PTPN4: variants seen among roughly 807,000 people sequenced by gnomAD.
PTPN4 encodes tyrosine-protein phosphatase non-receptor type 4.
In PTPN4, 49 loss-of-function variants were observed where a neutral mutation model predicts 135.5. The ratio of observed to expected loss-of-function variants is 0.36; its 90% confidence interval spans 0.29 to 0.46. PTPN4 has a LOEUF of 0.46. Ranked by LOEUF, PTPN4 falls within the 20% of genes least tolerant of loss-of-function variation. The probability of loss-of-function intolerance (pLI) is 1.00; values close to 1 mark genes in which losing one functional copy is unlikely to be tolerated. For missense variants in PTPN4, 860 were observed against 1,101.0 expected, an observed-to-expected ratio of 0.78 and a Z score of 3.10; for synonymous variants, 333 against 369.9, an observed-to-expected ratio of 0.90 and a Z score of 1.14.
intron 1 of PTPN4, among the ~76,000 whole-genome samples, chr2:119,775,845 C>A (rs1339731115): frequency 7.0e-6 from 1 of 143,236 alleles, no homozygotes; most frequent in Non-Finnish European, 1.6e-5. Flanking sequence ...ATCTATATAT[C>A]TATCTATATA....
chr2:119,859,185 T>G (rs542825683), intron 2 of PTPN4, among the ~76,000 whole-genome samples: 3 of 152,360 alleles, frequency 2.0e-5, no homozygotes, highest in Non-Finnish European at 2.9e-5. Context: ...GAAACATTTT[T>G]TTCTGATGAC....
chr2:119,827,122 G>A (rs887447947), intron 2 of PTPN4, among the ~76,000 whole-genome samples: 1 of 152,142 alleles, frequency 6.6e-6, no homozygotes, highest in African/African-American at 2.4e-5. Flanking sequence ...GTCTGTAGCC[G>A]TACCCCTATA....
At chr2:119,780,806 G>T (rs1035496880) in intron 1 of PTPN4, among the ~76,000 whole-genome samples, 1 of 152,036 alleles carries the variant, frequency 6.6e-6, no homozygotes, top group Non-Finnish European at 1.5e-5. Flanking sequence ...GTAATTTATG[G>T]GGTGATACTT....
chr2:119,829,873 A>G (rs1677195382), intron 2 of PTPN4, among the ~76,000 whole-genome samples: 1 of 152,132 alleles, frequency 6.6e-6, no homozygotes, highest in African/African-American at 2.4e-5. Flanking sequence ...TCAGTGTTTA[A>G]CCTTTAAGAA....
intron 5 of PTPN4, among the ~76,000 whole-genome samples, chr2:119,879,042 G>A (rs1428267887): frequency 6.7e-6 from 1 of 148,994 alleles, no homozygotes; most frequent in South Asian, 2.1e-4. Flanking sequence ...GCAGTGAGCC[G>A]AGATCACGCC....
At chr2:119,801,542 G>A (rs1378693791) in intron 1 of PTPN4, among the ~76,000 whole-genome samples, 1 of 152,144 alleles carries the variant, frequency 6.6e-6, no homozygotes, top group Admixed American at 6.5e-5. Flanking sequence ...ACATAGTTAT[G>A]TCTCTCCATT....
intron 25 of PTPN4, 114 bp downstream of exon 25, chr2:119,965,759 A>G (rs1352691423): frequency 6.4e-6 from 8 of 1,252,638 alleles, no homozygotes; most frequent in Non-Finnish European, 8.8e-6. Flanking sequence ...TTAGAACTCA[A>G]AGCTATGCTC....
At chr2:119,840,908 C>A (rs966081744) in intron 2 of PTPN4, among the ~76,000 whole-genome samples, 1 of 152,096 alleles carries the variant, frequency 6.6e-6, no homozygotes, top group African/African-American at 2.4e-5. Context: ...TTTCCTTTGC[C>A]CACTTCTTAA....
intron 2 of PTPN4, among the ~76,000 whole-genome samples, chr2:119,819,362 A>T (rs942561840): frequency 5.9e-5 from 9 of 152,220 alleles, no homozygotes; most frequent in African/African-American, 2.2e-4. Context: ...TTGCAATACC[A>T]GCTACTCTAT....
At chr2:119,767,319 A>G (rs1690646192) in intron 1 of PTPN4, among the ~76,000 whole-genome samples, 1 of 152,146 alleles carries the variant, frequency 6.6e-6, no homozygotes, top group Non-Finnish European at 1.5e-5. Context: ...AGGGGAATGC[A>G]CCATTTCTAA....
chr2:119,857,482 C>T (rs1677698361), intron 2 of PTPN4, among the ~76,000 whole-genome samples: 1 of 149,376 alleles, frequency 6.7e-6, no homozygotes, highest in African/African-American at 2.5e-5. Flanking sequence ...TGCAGTGAGC[C>T]GAGATCACAC....
chr2:119,869,272 T>C (rs974250276), intron 3 of PTPN4, among the ~76,000 whole-genome samples: 3 of 152,214 alleles, frequency 2.0e-5, no homozygotes, highest in Non-Finnish European at 4.4e-5. Context: ...GGAAACACTT[T>C]AGGGTGATAG....
At chr2:119,841,741 G>A (rs1193390637) in intron 2 of PTPN4, among the ~76,000 whole-genome samples, 1 of 152,070 alleles carries the variant, frequency 6.6e-6, no homozygotes, top group Non-Finnish European at 1.5e-5. Flanking sequence ...TCATTACTCA[G>A]CAGCCTTCTA....
intron 10 of PTPN4, among the ~76,000 whole-genome samples, chr2:119,914,976 C>T (rs1201284424): frequency 6.6e-6 from 1 of 151,946 alleles, no homozygotes. Context: ...TCTGTAGATA[C>T]AAAATTTTCC....
intron 2 of PTPN4, among the ~76,000 whole-genome samples, chr2:119,845,397 C>T (rs970221795): frequency 1.3e-5 from 2 of 152,106 alleles, no homozygotes; most frequent in Admixed American, 1.3e-4. Flanking sequence ...AATTCAGTCT[C>T]TTTACTTATG....
At chr2:119,790,331 A>G (rs1186104517) in intron 1 of PTPN4, among the ~76,000 whole-genome samples, 4 of 151,918 alleles carry the variant, frequency 2.6e-5, no homozygotes, top group African/African-American at 4.8e-5. Context: ...CAAATTGTCT[A>G]TTTCTCCCTT....
At chr2:119,945,351 C>G (rs1679117285) in intron 16 of PTPN4, 111 bp downstream of exon 16, 5 of 926,624 alleles carry the variant, frequency 5.4e-6, no homozygotes, top group Non-Finnish European at 7.8e-6. Context: ...ACAGTACCTT[C>G]TCTTTTTCAT....
chr2:119,910,462 A>G (rs911527155), intron 10 of PTPN4, among the ~76,000 whole-genome samples: 2 of 152,170 alleles, frequency 1.3e-5, no homozygotes, highest in African/African-American at 2.4e-5. Flanking sequence ...TACAGACCCT[A>G]CATACATTAA....
At chr2:119,961,243 A>G (rs886880024) in intron 23 of PTPN4, among the ~76,000 whole-genome samples, 3 of 152,266 alleles carry the variant, frequency 2.0e-5, no homozygotes, top group African/African-American at 7.2e-5. Context: ...AAAATAAATA[A>G]TGCAATTTAA....
Sources: gnomAD v4.1 joint callset for allele counts (sites outside exome capture counted in the v4.1 genomes callset) on GRCh38, gnomAD v4.1.1 for gene constraint, MANE v1.5 for transcripts, NCBI Gene and HGNC (gene_info 2026-07-23, HGNC 2026-07-21) for gene names.